The following ANXA4 variants were observed in gnomAD, a reference collection of about 807,000 sequenced individuals.
ANXA4 encodes the protein 35-beta calcimedin.
A neutral mutation model predicts 49.8 loss-of-function variants in ANXA4; 39 were observed. The ratio of observed to expected loss-of-function variants is 0.78; its 90% confidence interval spans 0.61 to 1.02. The LOEUF is 1.02. ANXA4 is among the 50% of genes least tolerant of loss of function. ANXA4 has a pLI of 0.00. For missense variants in ANXA4, 360 were observed against 410.1 expected, an observed-to-expected ratio of 0.88 and a Z score of 1.05; for synonymous variants, 134 against 152.5, an observed-to-expected ratio of 0.88 and a Z score of 0.89.
intron 2 of ANXA4, among the ~76,000 whole-genome samples, chr2:69,712,122 C>T (rs753976842): frequency 2.6e-5 from 4 of 151,932 alleles, no homozygotes; most frequent in African/African-American, 4.8e-5. Context: ...TTCCACTAAA[C>T]AGACCACACA....
chr2:69,693,623 A>C (rs1678053139), intron 2 of ANXA4, among the ~76,000 whole-genome samples: 1 of 152,170 alleles, frequency 6.6e-6, no homozygotes, highest in Non-Finnish European at 1.5e-5. Flanking sequence ...GCCACATGTC[A>C]GGGCCACAGT....
intron 3 of ANXA4, among the ~76,000 whole-genome samples, chr2:69,722,598 G>T (rs953777042): frequency 2.0e-5 from 3 of 151,802 alleles, no homozygotes; most frequent in Non-Finnish European, 2.9e-5. Flanking sequence ...GAGATTAGAG[G>T]TTACTAGGGT....
In ANXA4 at chr2:69,721,663, C is replaced by T. The variant is rs759325271; in HGVS notation, n.864+792C>T. ...GCAGCAAGCTGTGATCATGCCACTG[C>T]ATTCCAGCCTGGGCAACAGAGTGAG... On this transcript the variant is annotated intron_variant and non_coding_transcript_variant, in intron 3 of 3. Transcript: ENST00000418066. Among the ~76,000 whole-genome samples, 80 of 151,622 alleles carry T rather than the reference C, an allele frequency of 5.3e-4. 1 individual carries two copies. The highest frequency in any genetic ancestry group is 1.1e-3 in the Non-Finnish European group (76 of 67,924).
intron 2 of ANXA4, among the ~76,000 whole-genome samples, chr2:69,707,381 C>G (rs1217975200): frequency 6.6e-6 from 1 of 152,144 alleles, no homozygotes; most frequent in Non-Finnish European, 1.5e-5. Flanking sequence ...CAAAACAACA[C>G]CCAGGTCAAG....
Position 69,787,926 on chromosome 2 carries a change from T to C in ANXA4, c.10-128T>C. 3.9e-6 allele frequency: 3 copies of C among 766,920 alleles called. No individual in the cohort carries two copies. In the South Asian group the frequency reaches 4.8e-5, roughly 12 times the overall value. The allele number at this position is 766,920 out of a possible 1,614,324, so 47.5% of individuals were successfully genotyped here. A position where few individuals can be genotyped will look rare whatever the true frequency, so the allele number is the denominator to read the frequency against. On this transcript the variant is annotated intron_variant, in intron 2 of 12. Transcript: ENST00000394295. Reference sequence around the variant, plus strand: ...CAAGAGCTTAATTTTTCATGGTCACTACTGTACCCCTAGCACCTAGAATAC... The same window carrying C: ...CAAGAGCTTAATTTTTCATGGTCACCACTGTACCCCTAGCACCTAGAATAC...
chr2:69,808,133 C>T (rs1296196423), intron 6 of ANXA4, 137 bp downstream of exon 6: 6 of 763,002 alleles, frequency 7.9e-6, no homozygotes, highest in African/African-American at 5.2e-5. Context: ...AGCTCTGCTT[C>T]GAGGGAGATC....
Position 69,825,646 on chromosome 2 carries a change from A to C in ANXA4, c.*131A>C, listed in dbSNP as rs1674441599. The stretch of plus-strand genomic sequence containing the variant: ...AAAACGCCTACAGCTGCCTCCTAGA[A>C]TATAGACTGTCTGTATTATTATTCA... On this transcript the variant is annotated 3_prime_UTR_variant, in exon 13 of 13. Coordinates refer to ENST00000394295, the MANE Select transcript of ANXA4 (RefSeq NM_001153.5). The C allele has an allele frequency of 4.8e-6, 3 of 626,084 alleles. No homozygotes were observed. In the Admixed American group the frequency reaches 1.0e-4, roughly 21 times the overall value. The allele number at this position is 626,084 out of a possible 1,614,324, so 38.8% of individuals were successfully genotyped here. A position where few individuals can be genotyped will look rare whatever the true frequency, so the allele number is the denominator to read the frequency against.
chr2:69,707,558 C>A (rs1407774753), intron 2 of ANXA4, among the ~76,000 whole-genome samples: 1 of 152,146 alleles, frequency 6.6e-6, no homozygotes, highest in Non-Finnish European at 1.5e-5. Context: ...GACAGTTGTT[C>A]TTCGCATGTA....
At chr2:69,751,453 A>T (rs978030335) in intron 1 of ANXA4, among the ~76,000 whole-genome samples, 3 of 148,118 alleles carry the variant, frequency 2.0e-5, no homozygotes, top group Non-Finnish European at 3.0e-5. Context: ...GGTTGCAGTG[A>T]GCCAAGATCG....
chr2:69,709,087 T>C (rs1678594853), intron 2 of ANXA4, among the ~76,000 whole-genome samples: 1 of 152,198 alleles, frequency 6.6e-6, no homozygotes, highest in South Asian at 2.1e-4. Flanking sequence ...CAAAACATGT[T>C]GCTTTAAGAA....
intron 2 of ANXA4, among the ~76,000 whole-genome samples, chr2:69,783,507 G>C (rs768199740): frequency 6.6e-6 from 1 of 152,140 alleles, no homozygotes; most frequent in African/African-American, 2.4e-5. Context: ...GAGCCACCGC[G>C]CCCAGCTTTC....
intron 2 of ANXA4, among the ~76,000 whole-genome samples, chr2:69,695,664 C>T (rs996672575): frequency 6.6e-6 from 1 of 152,058 alleles, no homozygotes; most frequent in Non-Finnish European, 1.5e-5. Context: ...GTTACCTTAC[C>T]CTGTAAGATT....
intron 1 of ANXA4, among the ~76,000 whole-genome samples, chr2:69,761,660 C>T (rs1027187109): frequency 2.0e-5 from 3 of 151,956 alleles, no homozygotes; most frequent in Admixed American, 2.0e-4. Context: ...GTGGCTCACG[C>T]CTGTAATCCC....
chr2:69,681,195 G>C (rs1351362849), intron 2 of ANXA4, among the ~76,000 whole-genome samples: 1 of 152,022 alleles, frequency 6.6e-6, no homozygotes, highest in Admixed American at 6.6e-5. Flanking sequence ...TTATTGGTCT[G>C]TTCAGGTTTC....
intron 1 of ANXA4, among the ~76,000 whole-genome samples, chr2:69,768,964 A>G (rs1034147621): frequency 6.6e-6 from 1 of 152,154 alleles, no homozygotes; most frequent in Non-Finnish European, 1.5e-5. Flanking sequence ...ACAAAAAACC[A>G]GCCAACTGAA....
intron 3 of ANXA4, among the ~76,000 whole-genome samples, chr2:69,724,286 T>G (rs1372427444): frequency 6.6e-6 from 1 of 152,240 alleles, no homozygotes; most frequent in Non-Finnish European, 1.5e-5. Context: ...AAGGTACTAT[T>G]GCTGCCTAAG....
intron 2 of ANXA4, among the ~76,000 whole-genome samples, chr2:69,683,414 C>T (rs887163015): frequency 2.0e-5 from 3 of 152,178 alleles, no homozygotes; most frequent in African/African-American, 4.8e-5. Flanking sequence ...AATAAGATCT[C>T]AGTTCAGATA....
intron 1 of ANXA4, chr2:69,781,226 A>G: frequency 2.5e-6 from 1 of 395,598 alleles, no homozygotes; most frequent in Non-Finnish European, 4.6e-6. Flanking sequence ...CAGCTTGAGT[A>G]CAAGTATTGG....
At chr2:69,698,279 T>C (rs57695549) in intron 2 of ANXA4, among the ~76,000 whole-genome samples, 2,199 of 152,282 alleles carry the variant, frequency 0.014, 54 homozygotes, top group African/African-American at 0.05. Flanking sequence ...ACCTTGAGGA[T>C]TGGGATTTTA....
Sources: allele counts gnomAD v4.1 joint callset (sites outside exome capture counted in the v4.1 genomes callset), GRCh38; gene constraint gnomAD v4.1.1; transcripts MANE v1.5; gene names NCBI Gene and HGNC (gene_info 2026-07-23, HGNC 2026-07-21).